The following VGLL4 variants were observed in gnomAD, a reference collection of about 807,000 sequenced individuals.
VGLL4 encodes transcription cofactor vestigial-like protein 4.
In VGLL4, 7 loss-of-function variants were observed where a neutral mutation model predicts 21.0. The ratio of observed to expected loss-of-function variants is 0.33; its 90% confidence interval spans 0.19 to 0.63. The LOEUF (loss-of-function observed/expected upper bound fraction) is 0.63. Ranked by LOEUF, VGLL4 falls within the 20% of genes least tolerant of loss-of-function variation. VGLL4 has a pLI of 0.78. For synonymous variants in VGLL4, 222 were observed against 173.2 expected, an observed-to-expected ratio of 1.28 and a Z score of -2.21; for missense variants, 394 against 425.7, an observed-to-expected ratio of 0.93 and a Z score of 0.66.
rs553760107 is a variant in VGLL4 at position 11,630,906 on chromosome 3, G to A, written c.82+12531C>T. Among the ~76,000 whole-genome samples, 15 of 151,886 alleles carry A rather than the reference G, an allele frequency of 9.9e-5. No homozygotes were observed. The East Asian group carries it at 1.2e-3, about 12-fold the overall frequency. ...CCTCTTAAAATGGTTAAAATAATAC[G>A]TTTTATGTTATATATATACTTGGCC... On this transcript the variant is annotated intron_variant, in intron 1 of 4. Coordinates refer to ENST00000430365, the MANE Select transcript of VGLL4 (RefSeq NM_001128219.3).
intron 2 of VGLL4, among the ~76,000 whole-genome samples, chr3:11,570,870 T>C (rs1301984911): frequency 6.6e-6 from 1 of 152,200 alleles, no homozygotes; most frequent in Non-Finnish European, 1.5e-5. Context: ...CTCATCACCG[T>C]GGCTTCTCTC....
chr3:11,599,192 T>G (rs1357605415), intron 2 of VGLL4, among the ~76,000 whole-genome samples: 1 of 152,136 alleles, frequency 6.6e-6, no homozygotes, highest in East Asian at 1.9e-4. Flanking sequence ...TATCACACAG[T>G]AAACAAGTAA....
chr3:11,614,855 A>C (rs2075131737), intron 1 of VGLL4, among the ~76,000 whole-genome samples: 1 of 152,254 alleles, frequency 6.6e-6, no homozygotes, highest in Admixed American at 6.5e-5. Context: ...CTTACTGCTG[A>C]AACAGCTACA....
chr3:11,564,691 T>TC, intron 3 of VGLL4, 106 bp downstream of exon 3: 3 of 1,277,440 alleles, frequency 2.3e-6, no homozygotes, highest in Non-Finnish European at 3.2e-6. Flanking sequence ...CCTCACCACC[T>TC]CCCTCCCTCA....
At chr3:11,640,971 G>T (rs2075677234) in intron 1 of VGLL4, among the ~76,000 whole-genome samples, 1 of 151,934 alleles carries the variant, frequency 6.6e-6, no homozygotes. Flanking sequence ...ACAAAAATGG[G>T]CCGGGCATGG....
intron 1 of VGLL4, among the ~76,000 whole-genome samples, chr3:11,716,491 G>A (rs143480415): frequency 3.9e-5 from 6 of 152,092 alleles, no homozygotes; most frequent in East Asian, 1.9e-4. Context: ...CACAAATGTC[G>A]AAGAAAGTGT....
At chr3:11,620,739 C>T (rs753557571) in intron 1 of VGLL4, among the ~76,000 whole-genome samples, 2 of 152,142 alleles carry the variant, frequency 1.3e-5, no homozygotes, top group Admixed American at 6.6e-5. Flanking sequence ...CCTTGCTGAC[C>T]GGCTCCACCT....
In VGLL4 at chr3:11,557,096, T is replaced by C. The variant is rs938667201; in HGVS notation, c.*1460A>G. 2 of 152,488 alleles carry C rather than the reference T, an allele frequency of 1.3e-5. No homozygotes were observed. The highest frequency in any genetic ancestry group is 4.8e-5 in the African/African-American group (2 of 41,444). 9.4% of individuals were successfully genotyped at this position (152,488 alleles called of 1,614,324 possible). A position where few individuals can be genotyped will look rare whatever the true frequency, so the allele number is the denominator to read the frequency against. ...GTCAGGTGCCATCGTCGTGAGCCTC[T>C]GGTGGGCCAGGTGGGACACAGCACA... On this transcript the variant is annotated 3_prime_UTR_variant, in exon 5 of 5. Transcript: ENST00000430365.
chr3:11,589,348 T>C (rs565010496), intron 2 of VGLL4, among the ~76,000 whole-genome samples: 1 of 152,252 alleles, frequency 6.6e-6, no homozygotes, highest in African/African-American at 2.4e-5. Flanking sequence ...TCAAGTTTCC[T>C]CAATTTCTCT....
At chr3:11,573,036 G>T (rs946289324) in intron 2 of VGLL4, among the ~76,000 whole-genome samples, 3 of 151,648 alleles carry the variant, frequency 2.0e-5, no homozygotes, top group African/African-American at 4.9e-5. Flanking sequence ...CTTGGTGGTG[G>T]GCGCCTGTAA....
chr3:11,702,961 C>G, intron 2 of VGLL4: 2 of 1,609,362 alleles, frequency 1.2e-6, no homozygotes, highest in Non-Finnish European at 1.7e-6. Flanking sequence ...ATAATAGACT[C>G]CTCACTTACG....
intron 2 of VGLL4, among the ~76,000 whole-genome samples, chr3:11,590,359 T>C (rs777516749): frequency 6.6e-6 from 1 of 152,236 alleles, no homozygotes; most frequent in Non-Finnish European, 1.5e-5. Context: ...CCTTTCTACT[T>C]GGCCTTGACC....
chr3:11,639,502 G>C (rs574429857), intron 1 of VGLL4, among the ~76,000 whole-genome samples: 2 of 152,360 alleles, frequency 1.3e-5, no homozygotes, highest in East Asian at 3.9e-4. Flanking sequence ...GTAATCCAGG[G>C]TGTTATCCCC....
intron 2 of VGLL4, among the ~76,000 whole-genome samples, chr3:11,585,305 G>A (rs527358055): frequency 2.0e-4 from 31 of 152,034 alleles, no homozygotes; most frequent in African/African-American, 5.8e-4. Flanking sequence ...ATGTGGTGGC[G>A]CATGCCTGTA....
At chr3:11,707,586 A>G (rs1228696171) in intron 1 of VGLL4, among the ~76,000 whole-genome samples, 2 of 151,872 alleles carry the variant, frequency 1.3e-5, no homozygotes, top group Non-Finnish European at 2.9e-5. Context: ...GTGGTGGCTC[A>G]GCCATGTAAT....
intron 1 of VGLL4, among the ~76,000 whole-genome samples, chr3:11,629,639 C>T (rs1446028602): frequency 1.3e-5 from 2 of 149,892 alleles, no homozygotes; most frequent in African/African-American, 2.5e-5. Flanking sequence ...CCCACCTACT[C>T]GGGAGGCTGA....
At chr3:11,566,967 T>C (rs1215677040) in intron 2 of VGLL4, among the ~76,000 whole-genome samples, 4 of 152,012 alleles carry the variant, frequency 2.6e-5, no homozygotes, top group Non-Finnish European at 4.4e-5. Flanking sequence ...GTGGGCAGAA[T>C]CATGGAGAGC....
chr3:11,601,238 G>A (rs2074789058), intron 2 of VGLL4, among the ~76,000 whole-genome samples: 1 of 152,248 alleles, frequency 6.6e-6, no homozygotes, highest in Non-Finnish European at 1.5e-5. Context: ...AAGGTAGACA[G>A]TGTCAGTGGC....
chr3:11,643,953 G>A (rs2075746504), upstream of VGLL4: 3 of 992,814 alleles, frequency 3.0e-6, no homozygotes, highest in Non-Finnish European at 3.6e-6. Context: ...TCCTCTTCCC[G>A]CAGGAGGCCG....
Sources: gnomAD v4.1 joint callset for allele counts (sites outside exome capture counted in the v4.1 genomes callset) on GRCh38, gnomAD v4.1.1 for gene constraint, MANE v1.5 for transcripts, NCBI Gene and HGNC (gene_info 2026-07-23, HGNC 2026-07-21) for gene names.